SPNS3: variants seen among roughly 807,000 people sequenced by gnomAD.
SPNS3 encodes the protein SPNS lysolipid transporter 3, sphingosine-1-phosphate (putative).
In SPNS3, 51 loss-of-function variants were observed where a neutral mutation model predicts 54.4. That is an observed-to-expected ratio of 0.94 (90% confidence interval 0.75 to 1.18). SPNS3 has a LOEUF of 1.18. Ranked by LOEUF, SPNS3 falls within the 50% of genes most tolerant of loss-of-function variation. SPNS3 has a pLI of 0.00. For synonymous variants in SPNS3, 309 were observed against 294.7 expected, an observed-to-expected ratio of 1.05 and a Z score of -0.50; for missense variants, 669 against 677.4, an observed-to-expected ratio of 0.99 and a Z score of 0.14.
intron 8 of SPNS3, among the ~76,000 whole-genome samples, chr17:4,472,003 C>T (rs1053439818): frequency 6.6e-6 from 1 of 151,996 alleles, no homozygotes; most frequent in Non-Finnish European, 1.5e-5. Context: ...GGACTACAGG[C>T]GTGCTCCACG....
At chr17:4,480,373 AG>A (rs1189516773) in intron 9 of SPNS3, among the ~76,000 whole-genome samples, 3 of 152,230 alleles carry the variant, frequency 2.0e-5, no homozygotes, top group Non-Finnish European at 2.9e-5. Context: ...TGCTCAGGAA[AG>A]GGGAAGGCAT....
chr17:4,477,970 C>T (rs1455965314), intron 8 of SPNS3, among the ~76,000 whole-genome samples: 4 of 97,596 alleles, frequency 4.1e-5, no homozygotes, highest in Non-Finnish European at 7.5e-5. Flanking sequence ...TTCACTTTTC[C>T]TTTTTTTTTT....
rs373836833 is a variant in SPNS3, at chr17:4,441,983, A to AGTGTGTGTGTGTGTGTGTGTGTGTGTGT, written c.265+2267_265+2294dup. Among the ~76,000 whole-genome samples, 45 of 139,108 alleles carry AGTGTGTGTGTGTGTGTGTGTGTGTGTGT rather than the reference A, an allele frequency of 3.2e-4. 1 individual carries two copies. The highest frequency in any genetic ancestry group is 1.2e-3 in the South Asian group (5 of 4,188). 91.3% of individuals were successfully genotyped at this position (139,108 alleles called of 152,430 possible). A position where few individuals can be genotyped will look rare whatever the true frequency, so the allele number is the denominator to read the frequency against. Reference sequence around the variant, plus strand: ...ACAAGTCCTGGGCCACGGAGGGAGAAGTGTGTGTGTGTGTGTGTGTGTGTG... The same window carrying AGTGTGTGTGTGTGTGTGTGTGTGTGTGT: ...ACAAGTCCTGGGCCACGGAGGGAGAAGTGTGTGTGTGTGTGTGTGTGTGTGTGTGTGTGTGTGTGTGTGTGTGTGTGTG... On this transcript the variant is annotated intron_variant, in intron 2 of 11. Coordinates refer to ENST00000355530, the MANE Select transcript of SPNS3 (RefSeq NM_182538.5).
intron 4 of SPNS3, chr17:4,446,676 C>T (rs1018754500): frequency 1.5e-4 from 90 of 602,654 alleles, no homozygotes; most frequent in Middle Eastern, 4.5e-4. Context: ...GAGAGAGTGG[C>T]GCTGGGGGTG....
At chr17:4,461,930 G>A (rs1971518076) in intron 8 of SPNS3, among the ~76,000 whole-genome samples, 1 of 152,130 alleles carries the variant, frequency 6.6e-6, no homozygotes, top group African/African-American at 2.4e-5. Flanking sequence ...GGAAGTCCAG[G>A]GGATATGGAA....
chr17:4,485,384 GTTCT>G (rs1395226575), intron 9 of SPNS3, among the ~76,000 whole-genome samples: 4 of 151,838 alleles, frequency 2.6e-5, no homozygotes. Context: ...TGACACCAGA[GTTCT>G]TTATTTTTTT....
At chr17:4,481,073 A>G (rs1358225338) in intron 9 of SPNS3, among the ~76,000 whole-genome samples, 3 of 152,082 alleles carry the variant, frequency 2.0e-5, no homozygotes, top group Non-Finnish European at 4.4e-5. Flanking sequence ...GAAGCAGGAC[A>G]CCGAGGGTAG....
At chr17:4,469,096 G>C (rs1971784170) in intron 8 of SPNS3, among the ~76,000 whole-genome samples, 1 of 148,510 alleles carries the variant, frequency 6.7e-6, no homozygotes, top group African/African-American at 2.5e-5. Context: ...CCTCGGACCT[G>C]TTTTCTAAGA....
intron 8 of SPNS3, among the ~76,000 whole-genome samples, chr17:4,477,398 G>A (rs977821016): frequency 6.6e-6 from 1 of 152,232 alleles, no homozygotes; most frequent in African/African-American, 2.4e-5. Flanking sequence ...GGGTGCCTGA[G>A]CCTGGGCTAC....
At chr17:4,439,925 G>A (rs1970806638) in intron 2 of SPNS3, among the ~76,000 whole-genome samples, 1 of 152,182 alleles carries the variant, frequency 6.6e-6, no homozygotes, top group African/African-American at 2.4e-5. Flanking sequence ...TTGAGTGTAG[G>A]GTGCCGCGGG....
At position 4,446,085 on chromosome 17, in the gene SPNS3, G is replaced by A. The variant is rs1447555869; in HGVS notation, c.440G>A (p.Gly147Asp). 1.9e-6 allele frequency: 3 copies of A among 1,612,580 alleles called. No homozygotes were observed. The highest frequency in any genetic ancestry group is 1.7e-6 in the Non-Finnish European group (2 of 1,178,936). ...TTCTTCCTGTCCCGGGGCATCGTGG[G>A]CACTGGCTCGGCCAGCTACTCCACC... The part of the protein sequence containing the change: ...WLFFLSRGIV[G>D]TGSASYSTIA... Residue 147 changes from glycine (G) to aspartate (D), a missense_variant, in exon 4 of 12, where the codon GGC (glycine) becomes GAC (aspartate). Gly to Asp is a moderately conservative substitution (Grantham distance 94, BLOSUM62 -1). Coordinates refer to ENST00000355530, the MANE Select transcript of SPNS3 (RefSeq NM_182538.5).
At position 4,459,096 on chromosome 17, in the gene SPNS3, A is replaced by G. The variant is rs978042273; in HGVS notation, c.1113+5891A>G. ...CTAGGCCTTCAAGGGCCAGCTTACC[A>G]CCGTCTCTCCATGGATTCCTCCCTG... is the stretch of plus-strand genomic sequence containing the variant. On this transcript the variant is annotated intron_variant, in intron 8 of 11. Coordinates refer to ENST00000355530, the MANE Select transcript of SPNS3 (RefSeq NM_182538.5). Among the ~76,000 whole-genome samples the G allele has an allele frequency of 7.1e-4, 108 of 151,730 alleles. 1 individual carries two copies. Among genetic ancestry groups the G allele is most frequent in the African/African-American group, 2.5e-3 (102 of 41,364 alleles).
In SPNS3 at chr17:4,434,122, G is replaced by C; in HGVS notation, c.155G>C (p.Cys52Ser). Residue 52 changes from cysteine to serine, a missense_variant, in exon 1 of 12, where the codon TGC (cysteine) becomes TCC (serine). Physicochemically the swap from Cys to Ser is moderately radical, Grantham distance 112. Transcript: ENST00000355530. ...GCCTACGTGGCTGCCGCCGTCCTCT[G>C]CTACATCAACCTCCTGAATTACATG... Reference protein sequence around the residue: ...WRAYVAAAVLCYINLLNYMNW... With the variant: ...WRAYVAAAVLSYINLLNYMNW... 1 of 1,612,184 alleles carries C rather than the reference G, an allele frequency of 6.2e-7. No individual in the cohort carries two copies. The highest frequency in any genetic ancestry group is 8.5e-7 in the Non-Finnish European group (1 of 1,179,190).
chr17:4,485,700 G>A (rs1302697236), intron 9 of SPNS3, among the ~76,000 whole-genome samples: 2 of 152,110 alleles, frequency 1.3e-5, no homozygotes, highest in Admixed American at 6.6e-5. Flanking sequence ...CTGGCCCAGA[G>A]TTCATCTTCT....
At chr17:4,456,310 G>C (rs1311800102) in intron 8 of SPNS3, among the ~76,000 whole-genome samples, 1 of 152,122 alleles carries the variant, frequency 6.6e-6, no homozygotes, top group Non-Finnish European at 1.5e-5. Context: ...CAAGCAGTGG[G>C]GGGCCAAATG....
At chr17:4,450,027 TCTC>T (rs377431697) in intron 7 of SPNS3, among the ~76,000 whole-genome samples, 34 of 150,468 alleles carry the variant, frequency 2.3e-4, no homozygotes, top group African/African-American at 7.6e-4. Flanking sequence ...CCCTTCCTTC[TCTC>T]CTCCTCCTCC....
chr17:4,474,432 G>A (rs1176702882), intron 8 of SPNS3, among the ~76,000 whole-genome samples: 1 of 152,096 alleles, frequency 6.6e-6, no homozygotes, highest in East Asian at 1.9e-4. Context: ...TCTGCCCCAG[G>A]GACAGCGAGC....
At chr17:4,454,737 C>G (rs187526889) in intron 8 of SPNS3, among the ~76,000 whole-genome samples, 1 of 148,960 alleles carries the variant, frequency 6.7e-6, no homozygotes, top group East Asian at 2.0e-4. Flanking sequence ...TCTCCTGACT[C>G]AGTCTCCCAA....
chr17:4,454,246 C>T (rs186097076), intron 8 of SPNS3, among the ~76,000 whole-genome samples: 28 of 152,346 alleles, frequency 1.8e-4, no homozygotes, highest in African/African-American at 6.0e-4. Flanking sequence ...TGTGTGCAGC[C>T]GTGTCCCTGG....
Sources: allele counts gnomAD v4.1 joint callset (sites outside exome capture counted in the v4.1 genomes callset), GRCh38; gene constraint gnomAD v4.1.1; transcripts MANE v1.5; gene names NCBI Gene and HGNC (gene_info 2026-07-23, HGNC 2026-07-21).